The following SRGAP1 variants were observed in gnomAD, a reference collection of about 807,000 sequenced individuals.
SRGAP1 encodes SLIT-ROBO Rho GTPase activating protein 1.
SRGAP1 carries 43 observed loss-of-function variants against 121.9 expected under a neutral mutation model. The ratio of observed to expected loss-of-function variants is 0.35; its 90% CI spans 0.28 to 0.46. The LOEUF is 0.46. SRGAP1 is among the 20% of genes least tolerant of loss of function. The probability of loss-of-function intolerance (pLI) is 1.00; values close to 1 mark genes in which losing one functional copy is unlikely to be tolerated. For synonymous variants in SRGAP1, 447 were observed against 485.4 expected (o/e 0.92, Z 1.04); for missense variants, 1,102 against 1,350.9 (o/e 0.82, Z 2.89).
intron 3 of SRGAP1, among the ~76,000 whole-genome samples, chr12:63,999,288 G>C (rs760721157): frequency 6.6e-6 from 1 of 152,112 alleles, no homozygotes; most frequent in Non-Finnish European, 1.5e-5. Context: ...CCATATTGAG[G>C]AGTTCAAATT....
rs1419458335 is a variant in SRGAP1 at position 64,144,112 on chromosome 12, A to G, written c.*1440A>G. The G allele has an allele frequency of 6.6e-6, 1 of 152,066 alleles. No individual in the cohort carries two copies. The highest frequency in any genetic ancestry group is 1.5e-5 in the Non-Finnish European group (1 of 68,004). The allele number at this position is 152,066 out of a possible 1,614,324, so 9.4% of individuals were successfully genotyped here. A position where few individuals can be genotyped will look rare whatever the true frequency, so the allele number is the denominator to read the frequency against. ...TTTTTTAAGCCTATATTTATGCTAC[A>G]TTTTCCCCCATCTTAAGAAAATTTG... On this transcript the variant is annotated 3_prime_UTR_variant, in exon 22 of 22. Coordinates refer to ENST00000355086, the MANE Select transcript of SRGAP1 (RefSeq NM_020762.4).
intron 3 of SRGAP1, among the ~76,000 whole-genome samples, chr12:64,007,527 C>T (rs2124476): frequency 0.11 from 16,066 of 152,162 alleles, 1,155 homozygotes; most frequent in South Asian, 0.28. Context: ...AGGCCACGGA[C>T]TGGTACCAGT....
intron 8 of SRGAP1, among the ~76,000 whole-genome samples, chr12:64,071,700 T>C (rs911102309): frequency 2.0e-5 from 3 of 152,144 alleles, no homozygotes; most frequent in Admixed American, 1.3e-4. Context: ...GTTCTGAGAG[T>C]CCTGAGCAAC....
intron 6 of SRGAP1, among the ~76,000 whole-genome samples, chr12:64,056,493 C>T (rs1199620922): frequency 7.3e-6 from 1 of 137,150 alleles, no homozygotes; most frequent in East Asian, 2.1e-4. Flanking sequence ...GTGGAGGTTG[C>T]AGTGAGCTGA....
chr12:64,003,729 G>A (rs1009120752), intron 3 of SRGAP1, among the ~76,000 whole-genome samples: 1 of 152,090 alleles, frequency 6.6e-6, no homozygotes, highest in African/African-American at 2.4e-5. Flanking sequence ...TCTAACATTT[G>A]TGTCATCAGA....
chr12:63,990,786 A>G (rs2033538723), intron 3 of SRGAP1, among the ~76,000 whole-genome samples: 1 of 152,164 alleles, frequency 6.6e-6, no homozygotes, highest in Non-Finnish European at 1.5e-5. Context: ...ACACATGATG[A>G]GAAACTTGTG....
At chr12:64,025,897 A>G (rs759294794) in intron 4 of SRGAP1, among the ~76,000 whole-genome samples, 15 of 152,238 alleles carry the variant, frequency 9.9e-5, no homozygotes, top group Non-Finnish European at 1.3e-4. Context: ...GATTAATAAA[A>G]TGACCAATTC....
chr12:64,080,678 T>C, intron 10 of SRGAP1: 1 of 424,220 alleles, frequency 2.4e-6, no homozygotes. Flanking sequence ...ACACTGCCCC[T>C]CCCCTACCTG....
intron 7 of SRGAP1, among the ~76,000 whole-genome samples, chr12:64,063,414 T>C (rs1296777865): frequency 6.6e-6 from 1 of 152,204 alleles, no homozygotes; most frequent in African/African-American, 2.4e-5. Flanking sequence ...CAAGACATTT[T>C]AATTTAATGA....
chr12:63,989,783 T>C, intron 2 of SRGAP1, 127 bp from the exon 3 acceptor site: 1 of 644,084 alleles, frequency 1.6e-6, no homozygotes, highest in Admixed American at 3.2e-5. Flanking sequence ...GTCTGAGAAA[T>C]GCTCAGAGCA....
chr12:63,848,992 A>G (rs1292063622), intron 1 of SRGAP1, among the ~76,000 whole-genome samples: 1 of 152,224 alleles, frequency 6.6e-6, no homozygotes, highest in East Asian at 1.9e-4. Context: ...AGAATCAGGA[A>G]TGATACAAGT....
Position 63,871,990 on chromosome 12 carries a change from T to A in SRGAP1, c.67+27107T>A, listed in dbSNP as rs1300070776. On this transcript the variant is annotated intron_variant, in intron 1 of 21. Coordinates refer to ENST00000355086, the MANE Select transcript of SRGAP1 (RefSeq NM_020762.4). ...GAATCCTTGCCCTTCTTATACTGTG[T>A]CACTTCGTCAGGTGATGCTTACAAA... is the stretch of plus-strand genomic sequence containing the variant. 5 of 939,752 alleles carry A rather than the reference T, an allele frequency of 5.3e-6. No individual in the cohort carries two copies. In the East Asian group the frequency reaches 1.2e-4, roughly 22 times the overall value. 58.2% of individuals were successfully genotyped at this position (939,752 alleles called of 1,614,324 possible). A position where few individuals can be genotyped will look rare whatever the true frequency, so the allele number is the denominator to read the frequency against.
At chr12:63,846,925 A>G (rs1898921073) in intron 1 of SRGAP1, among the ~76,000 whole-genome samples, 1 of 152,228 alleles carries the variant, frequency 6.6e-6, no homozygotes, top group African/African-American at 2.4e-5. Flanking sequence ...TAAATAGTAC[A>G]TGAGGCCAGC....
intron 15 of SRGAP1, among the ~76,000 whole-genome samples, chr12:64,102,014 C>G (rs965133197): frequency 1.3e-5 from 2 of 152,108 alleles, no homozygotes; most frequent in East Asian, 3.8e-4. Context: ...TTCCACTACC[C>G]AAAGAGAATC....
rs2033876156 is a variant in SRGAP1 at position 64,000,968 on chromosome 12, T to C, written c.426+10896T>C. 3.9e-5 allele frequency among the ~76,000 whole-genome samples: 6 copies of C among 152,102 alleles called. No homozygotes were observed. In the South Asian group the frequency reaches 1.2e-3, roughly 32 times the overall value. ...GACCGATAATTAAAAATAAAAGAAA[T>C]ATGATATGAAAAAGAATCCCCACTT... On this transcript the variant is annotated intron_variant, in intron 3 of 21. Coordinates refer to ENST00000355086, the MANE Select transcript of SRGAP1 (RefSeq NM_020762.4).
intron 4 of SRGAP1, among the ~76,000 whole-genome samples, chr12:64,034,950 A>G (rs1330740758): frequency 6.6e-6 from 1 of 152,048 alleles, no homozygotes; most frequent in Non-Finnish European, 1.5e-5. Flanking sequence ...CAGGGAGAGA[A>G]GGTGGGTTTG....
chr12:64,055,829 T>A (rs1454810483), intron 6 of SRGAP1, among the ~76,000 whole-genome samples: 1 of 152,148 alleles, frequency 6.6e-6, no homozygotes, highest in African/African-American at 2.4e-5. Flanking sequence ...GACTTCTGAA[T>A]GTTGGGAGTC....
chr12:63,905,449 C>T (rs1384364812), intron 1 of SRGAP1, among the ~76,000 whole-genome samples: 4 of 152,048 alleles, frequency 2.6e-5, no homozygotes, highest in Non-Finnish European at 5.9e-5. Flanking sequence ...CAGTAAAGGA[C>T]GAGAGTATTT....
chr12:64,160,523 C>CTCAA lies in SRGAP1; in HGVS notation c.*17856_*17859dup, dbSNP rs1337379462. ...CTTTAGTTTCCATCACCATAGATTTCTCAATCAAAAGGCAAATATATCTCA... is the reference window on the plus strand; with the variant it reads ...CTTTAGTTTCCATCACCATAGATTTCTCAATCAATCAAAAGGCAAATATATCTCA... On this transcript the variant is annotated 3_prime_UTR_variant, in exon 22 of 22. Coordinates refer to ENST00000355086, the MANE Select transcript of SRGAP1 (RefSeq NM_020762.4). 6.6e-6 allele frequency: 1 copy of CTCAA among 152,164 alleles called. No homozygotes were observed. Among genetic ancestry groups the CTCAA allele is most frequent in the Non-Finnish European group, 1.5e-5 (1 of 68,028 alleles). The allele number at this position is 152,164 out of a possible 1,614,324, so 9.4% of individuals were successfully genotyped here.
Sources: allele counts gnomAD v4.1 joint callset (sites outside exome capture counted in the v4.1 genomes callset), GRCh38; gene constraint gnomAD v4.1.1; transcripts MANE v1.5; gene names NCBI Gene and HGNC (gene_info 2026-07-23, HGNC 2026-07-21).